STX8: variants seen among roughly 807,000 people sequenced by gnomAD.
The protein encoded by STX8 is syntaxin 8.
A neutral mutation model predicts 37.5 loss-of-function variants in STX8; 23 were observed. That is an observed-to-expected ratio of 0.61 (90% confidence interval 0.44 to 0.87). The LOEUF is 0.87. Ranked by LOEUF, STX8 falls within the 40% of genes least tolerant of loss-of-function variation. The probability of loss-of-function intolerance (pLI) is 0.00; values close to 1 mark genes in which losing one functional copy is unlikely to be tolerated. For synonymous variants in STX8, 115 were observed against 99.1 expected, an observed-to-expected ratio of 1.16 and a Z score of -0.95; for missense variants, 313 against 284.7, an observed-to-expected ratio of 1.10 and a Z score of -0.71.
chr17:9,255,625 G>A (rs1256025699), intron 7 of STX8, among the ~76,000 whole-genome samples: 1 of 152,058 alleles, frequency 6.6e-6, no homozygotes, highest in Non-Finnish European at 1.5e-5. Context: ...TGGACAGTAA[G>A]CTGATAAGAT....
chr17:9,510,500 A>G (rs957834303), intron 4 of STX8, among the ~76,000 whole-genome samples: 2 of 152,162 alleles, frequency 1.3e-5, no homozygotes, highest in African/African-American at 4.8e-5. Context: ...TGGAAATTAA[A>G]CAACATGCTC....
intron 7 of STX8, among the ~76,000 whole-genome samples, chr17:9,307,144 GTAAA>G (rs202128339): frequency 8.6e-5 from 13 of 152,002 alleles, no homozygotes; most frequent in East Asian, 7.9e-4. Context: ...AATAAAGTAA[GTAAA>G]TAAATAAATA....
At chr17:9,268,089 G>A (rs1427818773) in intron 7 of STX8, among the ~76,000 whole-genome samples, 1 of 151,554 alleles carries the variant, frequency 6.6e-6, no homozygotes, top group Non-Finnish European at 1.5e-5. Flanking sequence ...CTTCTACCCA[G>A]ACCCTCCCAT....
chr17:9,523,379 T>C (rs937850179), intron 4 of STX8, among the ~76,000 whole-genome samples: 1 of 56,252 alleles, frequency 1.8e-5, no homozygotes, highest in Non-Finnish European at 3.8e-5. Flanking sequence ...TAAATATATA[T>C]GTACATATAT....
Position 9,557,439 on chromosome 17 carries a change from A to G in STX8, c.207T>C (p.His69=). Residue 69 remains histidine, a synonymous_variant, in exon 3 of 8, where the codon CAT becomes CAC. Transcript: ENST00000306357. ...KDLLLRAVST[H]QITQLEGDRR... The stretch of plus-strand genomic sequence containing the variant: ...GGAAATGTTTACATGGATACATCTG[A>G]TGTGTTGACACAGCTCTTAGCAATA... The G allele has an allele frequency of 1.2e-6, 2 of 1,612,728 alleles. No homozygotes were observed. Among genetic ancestry groups the G allele is most frequent in the South Asian group, 1.1e-5 (1 of 91,040 alleles).
chr17:9,279,656 T>TAGC (rs1907808031), intron 7 of STX8, among the ~76,000 whole-genome samples: 1 of 152,184 alleles, frequency 6.6e-6, no homozygotes, highest in Non-Finnish European at 1.5e-5. Context: ...TATGATGGAC[T>TAGC]TCTCACTGTC....
chr17:9,285,726 T>C (rs1908050058), intron 7 of STX8, among the ~76,000 whole-genome samples: 1 of 152,254 alleles, frequency 6.6e-6, no homozygotes, highest in Non-Finnish European at 1.5e-5. Context: ...ATATCATGCC[T>C]GAAAATTGCA....
At chr17:9,327,343 G>T (rs1480904722) in intron 7 of STX8, among the ~76,000 whole-genome samples, 7 of 150,424 alleles carry the variant, frequency 4.7e-5, no homozygotes, top group Admixed American at 4.0e-4. Context: ...GGAGAAGGAG[G>T]AGGAGGAGAA....
rs1913883800 is a variant in STX8 at position 9,430,046 on chromosome 17, ATATATTC to A, written c.542-51400_542-51394del. The stretch of plus-strand genomic sequence containing the variant: ...ATATATAATATATTCTATAGAATAT[ATATATTC>A]TATATAATATATATATTCTATATAA... On this transcript the variant is annotated intron_variant, in intron 6 of 7. Coordinates refer to ENST00000306357, the MANE Select transcript of STX8 (RefSeq NM_004853.3). Among the ~76,000 whole-genome samples the A allele has an allele frequency of 3.6e-5, 2 of 55,636 alleles. 1 individual carries two copies. The highest frequency in any genetic ancestry group is 1.1e-3 in the South Asian group (2 of 1,856). 36.5% of individuals were successfully genotyped at this position (55,636 alleles called of 152,430 possible).
intron 6 of STX8, among the ~76,000 whole-genome samples, chr17:9,437,079 T>C (rs1236220529): frequency 1.3e-5 from 2 of 152,196 alleles, no homozygotes; most frequent in African/African-American, 4.8e-5. Context: ...AGTGGAGAAA[T>C]ACAATGAAAC....
At chr17:9,317,635 A>G (rs552475641) in intron 7 of STX8, among the ~76,000 whole-genome samples, 4 of 152,062 alleles carry the variant, frequency 2.6e-5, no homozygotes, top group Non-Finnish European at 4.4e-5. Flanking sequence ...GCATGGTGGC[A>G]GGCACCTGTA....
In STX8 at chr17:9,469,386, C is replaced by G. The variant is rs201541926; in HGVS notation, c.541+22443G>C. 4.3e-5 allele frequency: 6 copies of G among 139,706 alleles called. No homozygotes were observed. In the East Asian group the frequency reaches 1.4e-3, roughly 33 times the overall value. The allele number at this position is 139,706 out of a possible 1,614,324, so 8.7% of individuals were successfully genotyped here. A position where few individuals can be genotyped will look rare whatever the true frequency, so the allele number is the denominator to read the frequency against. On this transcript the variant is annotated intron_variant, in intron 6 of 7. Coordinates refer to ENST00000306357, the MANE Select transcript of STX8 (RefSeq NM_004853.3). Reference sequence around the variant, plus strand: ...CATACACACACACACACACACACATCTACCCCTAAAGATGTTCCATGTCTC... The same window carrying G: ...CATACACACACACACACACACACATGTACCCCTAAAGATGTTCCATGTCTC...
intron 6 of STX8, among the ~76,000 whole-genome samples, chr17:9,386,247 G>A (rs570117189): frequency 8.7e-4 from 133 of 152,114 alleles, no homozygotes; most frequent in Non-Finnish European, 1.5e-3. Flanking sequence ...AATACTATTC[G>A]GCAATAGAAA....
chr17:9,536,916 TTTA>T (rs1597729589), intron 4 of STX8, among the ~76,000 whole-genome samples: 1 of 151,966 alleles, frequency 6.6e-6, no homozygotes, highest in East Asian at 1.9e-4. Flanking sequence ...GCTAATTTTT[TTTA>T]TTATTTTTAG....
chr17:9,303,424 A>G (rs12938765), intron 7 of STX8, among the ~76,000 whole-genome samples: 35,509 of 152,062 alleles, frequency 0.23, 5,515 homozygotes, highest in African/African-American at 0.44. Flanking sequence ...ATATGGTTGC[A>G]TCTCTCTGTT....
chr17:9,523,013 T>A (rs184113124), intron 4 of STX8, among the ~76,000 whole-genome samples: 2 of 151,986 alleles, frequency 1.3e-5, no homozygotes, highest in Admixed American at 1.3e-4. Flanking sequence ...TATACATGTA[T>A]CAAAATATCA....
intron 4 of STX8, among the ~76,000 whole-genome samples, chr17:9,543,672 C>T (rs1228849019): frequency 2.0e-5 from 3 of 152,170 alleles, no homozygotes; most frequent in Non-Finnish European, 4.4e-5. Flanking sequence ...TGGACCACCA[C>T]CTTCATCCAC....
chr17:9,534,786 C>CA lies in STX8; in HGVS notation c.323+10385dup, dbSNP rs879306126. Among the ~76,000 whole-genome samples the CA allele has an allele frequency of 3.0e-3, 428 of 142,828 alleles. 3 individuals carry two copies. The highest frequency in any genetic ancestry group is 9.4e-3 in the African/African-American group (366 of 38,828). The allele number at this position is 142,828 out of a possible 152,430, so 93.7% of individuals were successfully genotyped here. ...CTGGCGACACAGTGAGATTCTGTCT[C>CA]AAAAAAAAAAGGCAAAACTCTTAAA... On this transcript the variant is annotated intron_variant, in intron 4 of 7. Coordinates refer to ENST00000306357, the MANE Select transcript of STX8 (RefSeq NM_004853.3).
At chr17:9,449,509 C>A (rs569516227) in intron 6 of STX8, among the ~76,000 whole-genome samples, 1 of 152,188 alleles carries the variant, frequency 6.6e-6, no homozygotes, top group South Asian at 2.1e-4. Flanking sequence ...TGCAGTGAGC[C>A]GAGATGGAGC....
Sources: allele counts gnomAD v4.1 joint callset (sites outside exome capture counted in the v4.1 genomes callset), GRCh38; gene constraint gnomAD v4.1.1; transcripts MANE v1.5; gene names NCBI Gene and HGNC (gene_info 2026-07-23, HGNC 2026-07-21).